The following FSTL5 variants were observed in gnomAD, a reference collection of about 807,000 sequenced individuals.
The protein encoded by FSTL5 is follistatin-related protein 5.
Under a neutral mutation model 89.1 loss-of-function variants are expected in FSTL5, and 62 were observed. The ratio of observed to expected loss-of-function variants is 0.70; its 90% confidence interval spans 0.57 to 0.86. The LOEUF (loss-of-function observed/expected upper bound fraction) is 0.86, where lower values mean the gene tolerates loss of function less well. Ranked by LOEUF, FSTL5 falls within the 40% of genes least tolerant of loss-of-function variation. The pLI is 0.00. For missense variants in FSTL5, 1,057 were observed against 1,001.6 expected, an observed-to-expected ratio of 1.06 and a Z score of -0.75; for synonymous variants, 383 against 346.2, an observed-to-expected ratio of 1.11 and a Z score of -1.18.
intron 6 of FSTL5, among the ~76,000 whole-genome samples, chr4:161,674,604 G>A (rs1158321991): frequency 6.6e-6 from 1 of 152,150 alleles, no homozygotes; most frequent in East Asian, 1.9e-4. Context: ...TCCCACTGAG[G>A]CATGACGCTG....
chr4:161,965,976 G>T (rs1239017271), intron 3 of FSTL5, among the ~76,000 whole-genome samples: 1 of 152,046 alleles, frequency 6.6e-6, no homozygotes, highest in Admixed American at 6.6e-5. Context: ...ATTTAAAACA[G>T]CTGGGACTTA....
chr4:161,878,827 G>C (rs1196273874), intron 4 of FSTL5, among the ~76,000 whole-genome samples: 3 of 152,008 alleles, frequency 2.0e-5, no homozygotes, highest in Admixed American at 2.0e-4. Flanking sequence ...GCAAATTCTA[G>C]AAATGTTCTG....
At chr4:161,494,748 A>G (rs1730004846) in intron 12 of FSTL5, among the ~76,000 whole-genome samples, 1 of 152,168 alleles carries the variant, frequency 6.6e-6, no homozygotes, top group Non-Finnish European at 1.5e-5. Context: ...ACAGTTCAGT[A>G]TCATTTAAGT....
chr4:161,749,331 G>A lies in FSTL5; in HGVS notation c.727+10080C>T, dbSNP rs550452172. On this transcript the variant is annotated intron_variant, in intron 6 of 15. Transcript: ENST00000306100. ...TAAAAAAATGTGGTACATATATACC[G>A]TGAAATACTATGCAGTATTTCATAA... 7.1e-3 allele frequency among the ~76,000 whole-genome samples: 1,083 copies of A among 152,236 alleles called. 10 individuals carry two copies. The highest frequency in any genetic ancestry group is 0.025 in the African/African-American group (1,035 of 41,536).
intron 4 of FSTL5, among the ~76,000 whole-genome samples, chr4:161,824,149 T>C (rs1730588020): frequency 6.6e-6 from 1 of 152,242 alleles, no homozygotes; most frequent in South Asian, 2.1e-4. Flanking sequence ...TTTCAGGTTT[T>C]AGATTTAAGT....
chr4:161,594,353 A>T (rs1443470164), intron 7 of FSTL5, among the ~76,000 whole-genome samples: 1 of 152,150 alleles, frequency 6.6e-6, no homozygotes, highest in Non-Finnish European at 1.5e-5. Context: ...TTTTCAGATA[A>T]TTCTTTTAAA....
intron 6 of FSTL5, among the ~76,000 whole-genome samples, chr4:161,718,877 C>A (rs139754310): frequency 6.3e-4 from 96 of 152,274 alleles, no homozygotes; most frequent in African/African-American, 2.3e-3. Context: ...GGATCTGAAT[C>A]ATCGTATACT....
chr4:161,715,743 A>T (rs1361274279), intron 6 of FSTL5, among the ~76,000 whole-genome samples: 1 of 152,206 alleles, frequency 6.6e-6, no homozygotes, highest in Non-Finnish European at 1.5e-5. Flanking sequence ...GCCTCCTGTG[A>T]TGTACAGAAG....
At chr4:161,497,815 G>T (rs1730136484) in intron 12 of FSTL5, among the ~76,000 whole-genome samples, 1 of 151,780 alleles carries the variant, frequency 6.6e-6, no homozygotes. Context: ...TGTCGCCGTT[G>T]GTGTATGTTT....
intron 8 of FSTL5, among the ~76,000 whole-genome samples, chr4:161,560,675 G>A (rs1440545538): frequency 6.6e-6 from 1 of 151,636 alleles, no homozygotes; most frequent in Non-Finnish European, 1.5e-5. Flanking sequence ...ACAGGGTCAG[G>A]GGACCTGTGT....
intron 4 of FSTL5, among the ~76,000 whole-genome samples, chr4:161,814,907 A>G (rs904035410): frequency 2.6e-5 from 4 of 152,100 alleles, no homozygotes; most frequent in African/African-American, 9.7e-5. Flanking sequence ...TTGTGGGTTT[A>G]TAATGCATAT....
At chr4:161,892,613 A>G (rs1733024059) in intron 4 of FSTL5, among the ~76,000 whole-genome samples, 2 of 152,050 alleles carry the variant, frequency 1.3e-5, no homozygotes, top group South Asian at 4.1e-4. Flanking sequence ...TTGAAGAATC[A>G]ACTCCCAAAC....
chr4:161,805,029 G>C (rs1349744251), intron 4 of FSTL5, among the ~76,000 whole-genome samples: 1 of 152,036 alleles, frequency 6.6e-6, no homozygotes, highest in Non-Finnish European at 1.5e-5. Context: ...GAAAAATAAA[G>C]TCCTATGTCC....
chr4:162,063,632 CATT>C (rs1325887998), intron 2 of FSTL5, among the ~76,000 whole-genome samples: 5 of 151,828 alleles, frequency 3.3e-5, no homozygotes. Context: ...ACAGTTAAAT[CATT>C]GATTTGTTTT....
At chr4:161,494,449 C>T (rs72616791) in intron 12 of FSTL5, among the ~76,000 whole-genome samples, 9,202 of 152,206 alleles carry the variant, frequency 0.06, 525 homozygotes, top group East Asian at 0.28. Context: ...AATTGATGAA[C>T]ACCCTGAAGG....
At chr4:161,560,287 A>C (rs1367227758) in intron 8 of FSTL5, among the ~76,000 whole-genome samples, 3 of 151,978 alleles carry the variant, frequency 2.0e-5, no homozygotes, top group African/African-American at 7.2e-5. Context: ...TGAAGCTTAT[A>C]GGATGAGATG....
intron 13 of FSTL5, among the ~76,000 whole-genome samples, chr4:161,466,668 C>T (rs1733757760): frequency 6.6e-6 from 1 of 152,198 alleles, no homozygotes; most frequent in South Asian, 2.1e-4. Context: ...TTTTATACTA[C>T]ACAACATCAC....
intron 8 of FSTL5, among the ~76,000 whole-genome samples, chr4:161,581,421 G>T (rs755497593): frequency 3.9e-5 from 6 of 152,162 alleles, no homozygotes; most frequent in Non-Finnish European, 5.9e-5. Flanking sequence ...AGATCTCACT[G>T]TCTCACTTTC....
At chr4:162,099,037 T>C (rs917064944) in intron 2 of FSTL5, among the ~76,000 whole-genome samples, 1 of 152,104 alleles carries the variant, frequency 6.6e-6, no homozygotes, top group South Asian at 2.1e-4. Flanking sequence ...TAGGACATGA[T>C]TGTATAAATT....
Sources: gnomAD v4.1 joint callset for allele counts (sites outside exome capture counted in the v4.1 genomes callset) on GRCh38, gnomAD v4.1.1 for gene constraint, MANE v1.5 for transcripts, NCBI Gene and HGNC (gene_info 2026-07-23, HGNC 2026-07-21) for gene names.